Variants in MYO9B observed in about 807,000 individuals in gnomAD.
MYO9B encodes the protein unconventional myosin-IXb.
Under a neutral mutation model 229.5 loss-of-function variants are expected in MYO9B, and 71 were observed. The ratio of observed to expected loss-of-function variants is 0.31; its 90% CI spans 0.26 to 0.38. MYO9B has a LOEUF of 0.38. MYO9B is among the 10% of genes least tolerant of loss of function. The probability of loss-of-function intolerance (pLI) is 1.00; values close to 1 mark genes in which losing one functional copy is unlikely to be tolerated. For missense variants in MYO9B, 2,255 were observed against 2,920.5 expected (o/e 0.77, Z 5.25); for synonymous variants, 1,185 against 1,235.8 (o/e 0.96, Z 0.86).
intron 26 of MYO9B, 113 bp downstream of exon 26, chr19:17,200,942 C>A: frequency 8.0e-7 from 1 of 1,253,602 alleles, no homozygotes. Flanking sequence ...GTCAAGAATA[C>A]AAAGTCCAGG....
chr19:17,145,999 A>G (rs1337111652), intron 3 of MYO9B, among the ~76,000 whole-genome samples: 3 of 150,574 alleles, frequency 2.0e-5, no homozygotes, highest in Non-Finnish European at 4.4e-5. Flanking sequence ...AGACAGATGG[A>G]TTCATGGGTG....
At chr19:17,209,536 G>A in intron 35 of MYO9B, 50 bp from the exon 36 acceptor site, 1 of 1,544,656 alleles carries the variant, frequency 6.5e-7, no homozygotes, top group South Asian at 1.2e-5. Flanking sequence ...GACCTCAGAC[G>A]TCCCCGGGGC....
rs145687121 is a variant in MYO9B at position 17,111,783 on chromosome 19, C to T, written c.840+9226C>T. On this transcript the variant is annotated intron_variant, in intron 2 of 39. Transcript: ENST00000682292. ...CCCCGTCCCCATCAGCATTCACTCC[C>T]CACTTCCCTCTCCCAGGCCCTGGCA... Among the ~76,000 whole-genome samples the T allele has an allele frequency of 2.9e-3, 434 of 152,270 alleles. 2 individuals are homozygous for T. The highest frequency in any genetic ancestry group is 9.8e-3 in the African/African-American group (408 of 41,546).
At chr19:17,167,707 G>C (rs1460551885) in intron 10 of MYO9B, among the ~76,000 whole-genome samples, 1 of 152,026 alleles carries the variant, frequency 6.6e-6, no homozygotes, top group Non-Finnish European at 1.5e-5. Context: ...TCAAACTCCT[G>C]ACCTCAGGTG....
chr19:17,092,722 C>CA lies in MYO9B; in HGVS notation c.-58-8917dup, dbSNP rs3067821. Among the ~76,000 whole-genome samples, 408 of 97,530 alleles carry CA rather than the reference C, an allele frequency of 4.2e-3. 10 individuals are homozygous for CA. Among genetic ancestry groups the CA allele is most frequent in the Admixed American group, 0.027 (252 of 9,472 alleles). The allele number at this position is 97,530 out of a possible 152,430, so 64.0% of individuals were successfully genotyped here. A position where few individuals can be genotyped will look rare whatever the true frequency, so the allele number is the denominator to read the frequency against. ...CCTGGGTGACAGAGCAAGGCTCCGT[C>CA]AAAAAAAAAAAAAAAAAAAAAGCGC... On this transcript the variant is annotated intron_variant, in intron 1 of 39. Coordinates refer to ENST00000682292, the MANE Select transcript of MYO9B (RefSeq NM_004145.4).
At position 17,093,693 on chromosome 19, in the gene MYO9B, TGGG is replaced by T. The variant is rs764730738; in HGVS notation, c.-58-7958_-58-7956del. Among the ~76,000 whole-genome samples, 24 of 111,586 alleles carry T rather than the reference TGGG, an allele frequency of 2.2e-4. 1 individual carries two copies. Among genetic ancestry groups the T allele is most frequent in the African/African-American group, 3.3e-4 (11 of 32,940 alleles). The allele number at this position is 111,586 out of a possible 152,430, so 73.2% of individuals were successfully genotyped here. On this transcript the variant is annotated intron_variant, in intron 1 of 39. Coordinates refer to ENST00000682292, the MANE Select transcript of MYO9B (RefSeq NM_004145.4). ...TTTAAAGCAGTTTTTTTGCGGGGGG[TGGG>T]GGGGGGGGTGGTTTGAGATAGGTTC... is the stretch of plus-strand genomic sequence containing the variant.
intron 19 of MYO9B, among the ~76,000 whole-genome samples, chr19:17,190,881 G>T (rs1262287800): frequency 2.0e-5 from 3 of 152,046 alleles, no homozygotes; most frequent in Non-Finnish European, 4.4e-5. Context: ...CTGACCTCAG[G>T]TGATCCACAC....
In MYO9B at chr19:17,205,950, G is replaced by A. The variant is rs1395248459; in HGVS notation, c.5065-10G>A. The A allele has an allele frequency of 1.3e-6, 2 of 1,547,298 alleles. No individual in the cohort carries two copies. Among genetic ancestry groups the A allele is most frequent in the Non-Finnish European group, 1.7e-6 (2 of 1,145,260 alleles). The stretch of plus-strand genomic sequence containing the variant: ...AGGCCCAGACCTGACCCCCAACCCC[G>A]GCACTGCAGGGCGAGCCAGGCGTTG... On this transcript the variant is annotated splice_polypyrimidine_tract_variant and intron_variant, in intron 31 of 39. Coordinates refer to ENST00000682292, the MANE Select transcript of MYO9B (RefSeq NM_004145.4).
intron 16 of MYO9B, 134 bp from the exon 17 acceptor site, chr19:17,184,731 C>T: frequency 8.2e-7 from 1 of 1,213,450 alleles, no homozygotes; most frequent in Non-Finnish European, 1.1e-6. Context: ...GTCCTGAGAC[C>T]AAACCTAAGA....
intron 8 of MYO9B, among the ~76,000 whole-genome samples, chr19:17,161,881 A>G (rs566707625): frequency 6.6e-6 from 1 of 151,486 alleles, no homozygotes; most frequent in Non-Finnish European, 1.5e-5. Flanking sequence ...CCAGCTACAC[A>G]GGAGGCTGAG....
At chr19:17,094,890 C>T (rs960557629) in intron 1 of MYO9B, among the ~76,000 whole-genome samples, 2 of 152,172 alleles carry the variant, frequency 1.3e-5, no homozygotes, top group Admixed American at 1.3e-4. Context: ...CTGCAGTGAG[C>T]CACAATTGCA....
At chr19:17,174,054 G>A (rs1195614253) in intron 13 of MYO9B, among the ~76,000 whole-genome samples, 8 of 127,566 alleles carry the variant, frequency 6.3e-5, no homozygotes, top group African/African-American at 9.4e-5. Flanking sequence ...TTTTTGAGAC[G>A]GAGTCTTGCT....
intron 8 of MYO9B, among the ~76,000 whole-genome samples, chr19:17,161,342 A>G (rs1215717344): frequency 6.6e-6 from 1 of 152,100 alleles, no homozygotes; most frequent in Non-Finnish European, 1.5e-5. Context: ...CACATCCTCC[A>G]GGACAGGGTG....
chr19:17,087,208 C>T (rs754697061), intron 1 of MYO9B, among the ~76,000 whole-genome samples: 4 of 152,140 alleles, frequency 2.6e-5, no homozygotes, highest in Admixed American at 6.6e-5. Context: ...GAGGGGTGGG[C>T]GTATAGCACA....
chr19:17,108,575 C>T (rs898042224), intron 2 of MYO9B, among the ~76,000 whole-genome samples: 3 of 150,868 alleles, frequency 2.0e-5, no homozygotes, highest in Admixed American at 2.0e-4. Flanking sequence ...CCCGTTGTCC[C>T]CTGGGGACAA....
chr19:17,183,083 G>C (rs2072879563), intron 15 of MYO9B, among the ~76,000 whole-genome samples: 1 of 151,764 alleles, frequency 6.6e-6, no homozygotes, highest in Non-Finnish European at 1.5e-5. Context: ...CACCACACCT[G>C]GCTAATTTTT....
chr19:17,098,236 G>A (rs561872301), intron 1 of MYO9B, among the ~76,000 whole-genome samples: 2 of 152,220 alleles, frequency 1.3e-5, no homozygotes, highest in South Asian at 4.2e-4. Flanking sequence ...TGTATTTTTA[G>A]TACAGACAGG....
chr19:17,165,561 T>C (rs114095604), intron 10 of MYO9B, among the ~76,000 whole-genome samples: 3,954 of 151,272 alleles, frequency 0.026, 180 homozygotes, highest in African/African-American at 0.092. Context: ...GGCAACAGAG[T>C]AAGACCCTGT....
chr19:17,119,478 G>A (rs1368981218), intron 2 of MYO9B, among the ~76,000 whole-genome samples: 2 of 152,110 alleles, frequency 1.3e-5, no homozygotes, highest in South Asian at 2.1e-4. Context: ...AGGCCGAGGA[G>A]GGGAGCCTGG....
Sources: allele counts gnomAD v4.1 joint callset (sites outside exome capture counted in the v4.1 genomes callset), GRCh38; gene constraint gnomAD v4.1.1; transcripts MANE v1.5; gene names NCBI Gene and HGNC (gene_info 2026-07-23, HGNC 2026-07-21).